Variants in SGCZ observed in about 807,000 individuals in gnomAD.
SGCZ encodes the protein sarcoglycan zeta.
Under a neutral mutation model 41.3 loss-of-function variants are expected in SGCZ, and 40 were observed. The ratio of observed to expected loss-of-function variants is 0.97; its 90% confidence interval spans 0.75 to 1.26. The LOEUF is 1.26. SGCZ is among the 50% of genes most tolerant of loss of function. SGCZ has a pLI of 0.00. For missense variants in SGCZ, 552 were observed against 369.8 expected (o/e 1.49, Z -4.04); for synonymous variants, 206 against 137.5 (o/e 1.50, Z -3.49).
At chr8:15,217,323 A>G (rs1801437892) in intron 1 of SGCZ, among the ~76,000 whole-genome samples, 1 of 151,420 alleles carries the variant, frequency 6.6e-6, no homozygotes, top group South Asian at 2.1e-4. Context: ...AGGCTGAGGC[A>G]GGAGAATGGC....
intron 1 of SGCZ, among the ~76,000 whole-genome samples, chr8:14,804,027 T>C (rs1343805124): frequency 8.1e-6 from 1 of 124,206 alleles, no homozygotes; most frequent in Non-Finnish European, 1.6e-5. Flanking sequence ...TGCTGTTTGT[T>C]AGAAGGAAAA....
rs188850491 is a variant in SGCZ at position 14,926,508 on chromosome 8, C to G, written c.39+311077G>C. Among the ~76,000 whole-genome samples, 620 of 152,126 alleles carry G rather than the reference C, an allele frequency of 4.1e-3. 5 individuals carry two copies. The highest frequency in any genetic ancestry group is 0.017 in the South Asian group (82 of 4,822). ...AGATGTACTGTTTCTCCTCTTTGTT[C>G]TAAACAAATGTTGTACTGAAATTGT... On this transcript the variant is annotated intron_variant, in intron 1 of 7. Coordinates refer to ENST00000382080, the MANE Select transcript of SGCZ (RefSeq NM_139167.4).
intron 4 of SGCZ, among the ~76,000 whole-genome samples, chr8:14,213,003 A>G (rs1266098902): frequency 6.6e-6 from 1 of 152,144 alleles, no homozygotes; most frequent in Non-Finnish European, 1.5e-5. Context: ...AGACAGATCA[A>G]TAGGATTACT....
intron 1 of SGCZ, among the ~76,000 whole-genome samples, chr8:14,763,256 G>C (rs567056286): frequency 6.6e-6 from 1 of 152,164 alleles, no homozygotes; most frequent in Non-Finnish European, 1.5e-5. Flanking sequence ...AAGCTTGTGA[G>C]ATACTGTTCA....
intron 7 of SGCZ, among the ~76,000 whole-genome samples, chr8:14,091,390 T>G (rs1801685570): frequency 6.6e-6 from 1 of 152,052 alleles, no homozygotes; most frequent in Non-Finnish European, 1.5e-5. Context: ...TTTCTAGTTC[T>G]AGATCCATGA....
At chr8:14,500,550 A>G (rs1802122160) in intron 2 of SGCZ, among the ~76,000 whole-genome samples, 1 of 152,052 alleles carries the variant, frequency 6.6e-6, no homozygotes, top group African/African-American at 2.4e-5. Context: ...ATACAGCAAA[A>G]AAAGTCAACC....
intron 3 of SGCZ, among the ~76,000 whole-genome samples, chr8:14,245,928 A>T (rs1470001932): frequency 6.6e-6 from 1 of 152,220 alleles, no homozygotes; most frequent in Non-Finnish European, 1.5e-5. Context: ...AATGGCAATC[A>T]TTAAAAAGTC....
intron 1 of SGCZ, among the ~76,000 whole-genome samples, chr8:14,877,896 G>GTT (rs143966568): frequency 6.7e-6 from 1 of 149,284 alleles, no homozygotes; most frequent in South Asian, 2.1e-4. Context: ...ATGCAAAAGG[G>GTT]TTTTTTTTTT....
At chr8:14,154,047 C>G (rs1016635160) in intron 5 of SGCZ, among the ~76,000 whole-genome samples, 7 of 152,148 alleles carry the variant, frequency 4.6e-5, no homozygotes, top group Non-Finnish European at 7.3e-5. Flanking sequence ...GCACCCTGAT[C>G]TCGAACTTCT....
At chr8:15,100,674 C>T (rs1488644632) in intron 1 of SGCZ, among the ~76,000 whole-genome samples, 1 of 152,138 alleles carries the variant, frequency 6.6e-6, no homozygotes, top group African/African-American at 2.4e-5. Flanking sequence ...GAAGGACAGA[C>T]ACTACTTAAC....
At chr8:14,837,796 A>T (rs1196715481) in intron 1 of SGCZ, among the ~76,000 whole-genome samples, 3 of 152,178 alleles carry the variant, frequency 2.0e-5, no homozygotes, top group Admixed American at 2.0e-4. Flanking sequence ...TTGAGTAATT[A>T]TAGACACATA....
chr8:14,256,935 ATAGAG>A lies in SGCZ; in HGVS notation c.337-19261_337-19257del, dbSNP rs1228092534. On this transcript the variant is annotated intron_variant, in intron 3 of 7. Coordinates refer to ENST00000382080, the MANE Select transcript of SGCZ (RefSeq NM_139167.4). ...CAGAACACTGAGTTAGACGTATATA[ATAGAG>A]TATTCATTTGTTAATCTTCTTCAAA... 1.8e-4 allele frequency among the ~76,000 whole-genome samples: 27 copies of A among 152,196 alleles called. No individual in the cohort carries two copies. In the East Asian group the frequency reaches 2.1e-3, roughly 12 times the overall value.
Position 15,003,351 on chromosome 8 carries a change from A to G in SGCZ, c.39+234234T>C, listed in dbSNP as rs184419712. ...TTTATGTATAAATTACTCAGTCTCA[A>G]GTATATCTTTATTAGCAGCATTAGA... is the stretch of plus-strand genomic sequence containing the variant. On this transcript the variant is annotated intron_variant, in intron 1 of 7. Coordinates refer to ENST00000382080, the MANE Select transcript of SGCZ (RefSeq NM_139167.4). Among the ~76,000 whole-genome samples, 635 of 152,260 alleles carry G rather than the reference A, an allele frequency of 4.2e-3. 4 individuals carry two copies. The highest frequency in any genetic ancestry group is 0.011 in the African/African-American group (437 of 41,552).
rs116553497 is a variant in SGCZ, at chr8:14,928,246, G to A, written c.39+309339C>T. Among the ~76,000 whole-genome samples the A allele has an allele frequency of 5.7e-3, 861 of 152,228 alleles. 6 individuals are homozygous for A. The highest frequency in any genetic ancestry group is 0.02 in the African/African-American group (821 of 41,534). On this transcript the variant is annotated intron_variant, in intron 1 of 7. Coordinates refer to ENST00000382080, the MANE Select transcript of SGCZ (RefSeq NM_139167.4). The stretch of plus-strand genomic sequence containing the variant: ...CTGATTACATAAAATATTTCAATCA[G>A]AATGTTGGCATAGGACTTCTAGTTA...
chr8:14,727,063 C>T (rs530475203), intron 1 of SGCZ, among the ~76,000 whole-genome samples: 7 of 151,724 alleles, frequency 4.6e-5, no homozygotes, highest in African/African-American at 9.7e-5. Flanking sequence ...TAAGCTTATC[C>T]GGCAAAAGAC....
chr8:15,178,918 G>T (rs985739344), intron 1 of SGCZ, among the ~76,000 whole-genome samples: 1 of 152,152 alleles, frequency 6.6e-6, no homozygotes, highest in Non-Finnish European at 1.5e-5. Context: ...ATAGCATATT[G>T]GTTCTAAACA....
intron 1 of SGCZ, among the ~76,000 whole-genome samples, chr8:14,927,361 G>A (rs1050091297): frequency 1.0e-4 from 15 of 149,430 alleles, no homozygotes; most frequent in African/African-American, 2.7e-4. Flanking sequence ...CGCCCGCCTC[G>A]GCCTCCCAAA....
At chr8:14,377,517 T>G (rs1804178235) in intron 2 of SGCZ, among the ~76,000 whole-genome samples, 1 of 152,092 alleles carries the variant, frequency 6.6e-6, no homozygotes, top group Non-Finnish European at 1.5e-5. Flanking sequence ...TTTTATTTTT[T>G]TTGTTTTTAT....
intron 1 of SGCZ, among the ~76,000 whole-genome samples, chr8:15,211,268 C>G (rs1404184958): frequency 7.8e-6 from 1 of 127,708 alleles, no homozygotes. Context: ...AAGTAACAGA[C>G]ACTACTGGTT....
Sources: allele counts gnomAD v4.1 joint callset (sites outside exome capture counted in the v4.1 genomes callset), GRCh38; gene constraint gnomAD v4.1.1; transcripts MANE v1.5; gene names NCBI Gene and HGNC (gene_info 2026-07-23, HGNC 2026-07-21).